The following TENM3 variants were observed in gnomAD, a reference collection of about 807,000 sequenced individuals.
TENM3 encodes teneurin-3.
A neutral mutation model predicts 255.1 loss-of-function variants in TENM3; 63 were observed. That is an observed-to-expected ratio of 0.25 (90% confidence interval 0.20 to 0.30). The LOEUF (loss-of-function observed/expected upper bound fraction) is 0.30. Ranked by LOEUF, TENM3 falls within the 10% of genes least tolerant of loss-of-function variation. The pLI, the probability that TENM3 is intolerant of heterozygous loss-of-function variation, is 1.00. For missense variants in TENM3, 2,929 were observed against 3,461.1 expected, an observed-to-expected ratio of 0.85 and a Z score of 3.86; for synonymous variants, 1,306 against 1,322.3, an observed-to-expected ratio of 0.99 and a Z score of 0.27.
intron 5 of TENM3, among the ~76,000 whole-genome samples, chr4:182,636,327 AG>A (rs1402346869): frequency 1.6e-4 from 25 of 152,232 alleles, no homozygotes; most frequent in Admixed American, 1.6e-3. Context: ...TGGTGATTAA[AG>A]ACTCAGAATA....
At chr4:181,678,941 T>C in the TENM3 span, among the ~76,000 whole-genome samples, 8 of 152,066 alleles carry the variant, frequency 5.3e-5, no homozygotes, top group Non-Finnish European at 1.2e-4. Flanking sequence ...AATTAATTTT[T>C]GAATTATTTT....
At chr4:182,404,242 T>G (rs915581503) in intron 3 of TENM3, among the ~76,000 whole-genome samples, 1 of 152,192 alleles carries the variant, frequency 6.6e-6, no homozygotes, top group Non-Finnish European at 1.5e-5. Flanking sequence ...ATAAAGTTCT[T>G]AACAGTTTTT....
At chr4:181,476,773 A>G in the TENM3 span, among the ~76,000 whole-genome samples, 1 of 152,170 alleles carries the variant, frequency 6.6e-6, no homozygotes, top group African/African-American at 2.4e-5. Context: ...TGAGACTTCA[A>G]AATTACCTCT....
chr4:181,581,012 A>G, the TENM3 span, among the ~76,000 whole-genome samples: 9 of 152,200 alleles, frequency 5.9e-5, no homozygotes, highest in Non-Finnish European at 1.3e-4. Flanking sequence ...CCCAGGGCAT[A>G]CAACCAGGGA....
At chr4:182,357,838 T>G (rs1350664400) in intron 3 of TENM3, among the ~76,000 whole-genome samples, 1 of 151,898 alleles carries the variant, frequency 6.6e-6, no homozygotes, top group Non-Finnish European at 1.5e-5. Flanking sequence ...TTCTAGGGTT[T>G]TTATGGTTTT....
the TENM3 span, among the ~76,000 whole-genome samples, chr4:182,104,712 C>T: frequency 1.3e-5 from 2 of 151,906 alleles, no homozygotes; most frequent in Admixed American, 1.3e-4. Context: ...CGGGGTTTCA[C>T]TATGTTGGCG....
the TENM3 span, among the ~76,000 whole-genome samples, chr4:181,577,415 A>T: frequency 5.3e-5 from 8 of 151,830 alleles, 1 homozygote; most frequent in South Asian, 1.7e-3. Flanking sequence ...TCTAGGTTTG[A>T]GAATTTTTCA....
chr4:182,252,711 G>A (rs1242962004), intron 1 of TENM3, among the ~76,000 whole-genome samples: 1 of 152,140 alleles, frequency 6.6e-6, no homozygotes, highest in Non-Finnish European at 1.5e-5. Context: ...CAGTACTTTA[G>A]CTGAGAAATT....
the TENM3 span, among the ~76,000 whole-genome samples, chr4:181,625,437 A>T: frequency 6.6e-6 from 1 of 152,168 alleles, no homozygotes; most frequent in African/African-American, 2.4e-5. Context: ...AGAGGACTCC[A>T]TCCCAGCAAC....
intron 3 of TENM3, among the ~76,000 whole-genome samples, chr4:182,570,785 G>A (rs1240065902): frequency 6.6e-6 from 1 of 151,488 alleles, no homozygotes; most frequent in Non-Finnish European, 1.5e-5. Context: ...AGTGGAGATC[G>A]CACCACTGCA....
intron 1 of TENM3, among the ~76,000 whole-genome samples, chr4:182,212,384 T>G (rs1419323601): frequency 6.6e-6 from 1 of 152,178 alleles, no homozygotes; most frequent in Non-Finnish European, 1.5e-5. Context: ...CTGCAAATAT[T>G]GCACCAACAG....
At chr4:182,143,978 A>T (rs941615697), upstream of TENM3, 1 of 152,592 alleles carries the variant, frequency 6.6e-6, no homozygotes, top group Non-Finnish European at 1.5e-5. This position sits in a 1 kb window ranked among gnomAD's most constrained non-coding sequence, Gnocchi z 4.3. Context: ...GGCAAATCCC[A>T]TTTGACAGAA....
the TENM3 span, among the ~76,000 whole-genome samples, chr4:181,913,945 T>C: frequency 5.9e-5 from 9 of 152,290 alleles, no homozygotes; most frequent in East Asian, 3.9e-4. Context: ...TGAGAAGCAA[T>C]GTGATTGGTG....
intron 3 of TENM3, among the ~76,000 whole-genome samples, chr4:182,557,939 A>G (rs1742737499): frequency 6.6e-6 from 1 of 152,214 alleles, no homozygotes. Flanking sequence ...ACTCAGTTGC[A>G]GTCCTAGTTT....
intron 1 of TENM3, among the ~76,000 whole-genome samples, chr4:182,229,757 G>C (rs1756439615): frequency 2.6e-5 from 4 of 152,082 alleles, no homozygotes; most frequent in Admixed American, 2.6e-4. Flanking sequence ...AACTCATAGA[G>C]CTTAATTTCC....
At chr4:181,740,607 C>T in the TENM3 span, among the ~76,000 whole-genome samples, 1 of 151,364 alleles carries the variant, frequency 6.6e-6, no homozygotes, top group African/African-American at 2.4e-5. Flanking sequence ...GGAAAAAATA[C>T]CAAACAATAG....
the TENM3 span, among the ~76,000 whole-genome samples, chr4:181,584,980 T>C: frequency 2.2e-5 from 3 of 137,580 alleles, no homozygotes; most frequent in Non-Finnish European, 4.6e-5. Context: ...GAGGAAGCGA[T>C]GCAACATAAA....
chr4:182,696,943 C>A (rs1469063499), intron 12 of TENM3, among the ~76,000 whole-genome samples: 1 of 144,074 alleles, frequency 6.9e-6, no homozygotes, highest in East Asian at 2.0e-4. Context: ...CACTTCATAT[C>A]TGTATGATCT....
chr4:182,465,783 A>C (rs1302237041), intron 3 of TENM3, among the ~76,000 whole-genome samples: 1 of 152,208 alleles, frequency 6.6e-6, no homozygotes, highest in Non-Finnish European at 1.5e-5. Flanking sequence ...TGTTGTAAGA[A>C]AGTAAAAGCA....
Sources: gnomAD v4.1 joint callset for allele counts (sites outside exome capture counted in the v4.1 genomes callset) on GRCh38, gnomAD v4.1.1 for gene constraint, Gnocchi (gnomAD v3.1) non-coding constraint, MANE v1.5 for transcripts, NCBI Gene and HGNC (gene_info 2026-07-23, HGNC 2026-07-21) for gene names.